The following CDC42BPA variants were observed in gnomAD, a reference collection of about 807,000 sequenced individuals.
The protein encoded by CDC42BPA is serine/threonine-protein kinase MRCK alpha.
Under a neutral mutation model 223.5 loss-of-function variants are expected in CDC42BPA, and 80 were observed. The ratio of observed to expected loss-of-function variants is 0.36; its 90% CI spans 0.30 to 0.43. The LOEUF (loss-of-function observed/expected upper bound fraction) is 0.43. Ranked by LOEUF, CDC42BPA falls within the 20% of genes least tolerant of loss-of-function variation. The pLI, the probability that CDC42BPA is intolerant of heterozygous loss-of-function variation, is 1.00. For missense variants in CDC42BPA, 1,743 were observed against 2,099.9 expected, an observed-to-expected ratio of 0.83 and a Z score of 3.32; for synonymous variants, 694 against 718.6, an observed-to-expected ratio of 0.97 and a Z score of 0.55.
rs1033568662 is a variant in CDC42BPA, at chr1:227,032,544, C to T, written c.3558+790G>A. ...ACAAGTCCTCCTAAGGAATTCCATT[C>T]TTCTCATCAAGAGGTGGAGTCTATT... On this transcript the variant is annotated intron_variant, in intron 27 of 36. Transcript: ENST00000366766. Among the ~76,000 whole-genome samples the T allele has an allele frequency of 1.4e-4, 22 of 151,972 alleles. 1 individual carries two copies. Among genetic ancestry groups the T allele is most frequent in the African/African-American group, 3.6e-4 (15 of 41,264 alleles).
At chr1:227,042,025 G>A (rs981633977) in intron 23 of CDC42BPA, among the ~76,000 whole-genome samples, 9 of 152,048 alleles carry the variant, frequency 5.9e-5, no homozygotes, top group Non-Finnish European at 1.3e-4. Flanking sequence ...GGCTCTTTGA[G>A]AAACTATTAT....
At chr1:227,033,443 T>C in intron 26 of CDC42BPA, 28 bp from the exon 27 acceptor site, 1 of 1,493,286 alleles carries the variant, frequency 6.7e-7, no homozygotes. Flanking sequence ...CATTAAAAGT[T>C]ACTATATGTG....
intron 1 of CDC42BPA, among the ~76,000 whole-genome samples, chr1:227,266,569 T>C (rs1446031677): frequency 6.6e-6 from 1 of 152,224 alleles, no homozygotes; most frequent in Non-Finnish European, 1.5e-5. Context: ...AGTCAAAATA[T>C]AATTCTATCC....
intron 1 of CDC42BPA, among the ~76,000 whole-genome samples, chr1:227,316,622 T>A (rs146374916): frequency 6.6e-6 from 1 of 152,212 alleles, no homozygotes; most frequent in Non-Finnish European, 1.5e-5. Context: ...ATAATTTCCA[T>A]AGTCTGAATG....
chr1:227,085,677 C>T (rs146167766), intron 16 of CDC42BPA, among the ~76,000 whole-genome samples: 1 of 152,328 alleles, frequency 6.6e-6, no homozygotes, highest in East Asian at 1.9e-4. Context: ...CCTCCAACCT[C>T]CTTGTCTTCC....
chr1:226,994,037 G>T lies in CDC42BPA; in HGVS notation c.*231C>A, dbSNP rs1661080020. 8.2e-6 allele frequency: 4 copies of T among 488,952 alleles called. No individual in the cohort carries two copies. In the East Asian group the frequency reaches 1.5e-4, roughly 18 times the overall value. 30.3% of individuals were successfully genotyped at this position (488,952 alleles called of 1,614,324 possible). On this transcript the variant is annotated 3_prime_UTR_variant, in exon 37 of 37. Coordinates refer to ENST00000366766, the MANE Select transcript of CDC42BPA (RefSeq NM_001394014.1). The surrounding 1 kb of genome is among the most constrained non-coding windows in gnomAD (Gnocchi z 4.0). Reference sequence around the variant, plus strand: ...GAAAGCAACTCTAAGTGCATGGAATGAAATCAACGTTAATCTAAGCTGCTA... The same window carrying T: ...GAAAGCAACTCTAAGTGCATGGAATTAAATCAACGTTAATCTAAGCTGCTA...
chr1:227,119,908 C>T lies in CDC42BPA; in HGVS notation c.1543G>A (p.Glu515Lys), dbSNP rs541049501. ...AGTTCTTGCCTCACAGCATTAGCTT[C>T]TTCAAGTTGCTGTTCCAAATGACTT... ...ESSHLEQQLE[E>K]ANAVRQELDD... Residue 515 changes from glutamate (E) to lysine (K), a missense_variant, in exon 12 of 37, where the codon GAA (glutamate) becomes AAA (lysine). Physicochemically the swap from Glu to Lys is moderately conservative, Grantham distance 56 (BLOSUM62 1). Coordinates refer to ENST00000366766, the MANE Select transcript of CDC42BPA (RefSeq NM_001394014.1). 1.5e-5 allele frequency: 24 copies of T among 1,594,506 alleles called. No individual in the cohort carries two copies. In the African/African-American group the frequency reaches 3.1e-4, roughly 21 times the overall value.
intron 2 of CDC42BPA, among the ~76,000 whole-genome samples, chr1:227,223,577 T>G (rs1431849962): frequency 1.3e-5 from 2 of 152,136 alleles, no homozygotes; most frequent in African/African-American, 4.8e-5. Context: ...GAAGAAATAC[T>G]GAGTCAGTGA....
chr1:227,222,224 A>G (rs540671074), intron 2 of CDC42BPA, among the ~76,000 whole-genome samples: 373 of 151,128 alleles, frequency 2.5e-3, no homozygotes, highest in South Asian at 5.5e-3. Context: ...TCTTTAAAAA[A>G]ATAGCTGGGC....
chr1:227,059,459 A>AT lies in CDC42BPA; in HGVS notation c.2905-7475dup. 8 of 1,477,354 alleles carry AT rather than the reference A, an allele frequency of 5.4e-6. No individual in the cohort carries two copies. The Middle Eastern group carries it at 1.2e-3, about 221-fold the overall frequency. 91.5% of individuals were successfully genotyped at this position (1,477,354 alleles called of 1,614,324 possible). Reference sequence around the variant, plus strand: ...GGACATGTTACAAATATTTACACACATAAGACTCTCAAGGACTACTATTGT... The same window carrying AT: ...GGACATGTTACAAATATTTACACACATTAAGACTCTCAAGGACTACTATTGT... On this transcript the variant is annotated intron_variant, in intron 21 of 36. Transcript: ENST00000366766.
chr1:227,111,447 A>AC (rs1280887676), intron 14 of CDC42BPA, among the ~76,000 whole-genome samples: 1 of 152,148 alleles, frequency 6.6e-6, no homozygotes, highest in African/African-American at 2.4e-5. Flanking sequence ...GACATGAAAT[A>AC]GTTTTATAGA....
chr1:227,060,717 CT>C (rs59728048), intron 21 of CDC42BPA, among the ~76,000 whole-genome samples: 1,702 of 95,412 alleles, frequency 0.018, 2 homozygotes, highest in South Asian at 0.023. Context: ...TAAATAGGTA[CT>C]TTTTTTTTTT....
At chr1:227,070,969 C>T (rs531948386) in intron 20 of CDC42BPA, among the ~76,000 whole-genome samples, 58 of 151,818 alleles carry the variant, frequency 3.8e-4, no homozygotes, top group Non-Finnish European at 6.6e-4. Flanking sequence ...CCATGTCTTA[C>T]GAATTCTTTT....
In CDC42BPA at chr1:227,208,735, A is replaced by G. The variant is rs796373544; in HGVS notation, c.354+4401T>C. The stretch of plus-strand genomic sequence containing the variant: ...TCTATATCTCTGTTTTGGTACCAGT[A>G]CCATGCTGTTTTGGTTACTGTAGCC... On this transcript the variant is annotated intron_variant, in intron 3 of 36. Transcript: ENST00000366766. Among the ~76,000 whole-genome samples, 109 of 152,122 alleles carry G rather than the reference A, an allele frequency of 7.2e-4. No individual in the cohort carries two copies. The East Asian group carries it at 0.02, about 27-fold the overall frequency.
At chr1:227,144,066 C>T (rs1162681065) in intron 8 of CDC42BPA, among the ~76,000 whole-genome samples, 1 of 152,072 alleles carries the variant, frequency 6.6e-6, no homozygotes, top group East Asian at 1.9e-4. Context: ...GATGGTTTTA[C>T]AATTATCAGT....
At chr1:227,086,854 G>A (rs996066842) in intron 16 of CDC42BPA, among the ~76,000 whole-genome samples, 4 of 151,866 alleles carry the variant, frequency 2.6e-5, no homozygotes, top group African/African-American at 4.8e-5. Context: ...AAGATTTTGT[G>A]TAGAGATAAG....
In CDC42BPA at chr1:227,031,489, G is replaced by C; in HGVS notation, c.3584C>G (p.Ser1195Cys). 1 of 1,613,958 alleles carries C rather than the reference G, an allele frequency of 6.2e-7. No homozygotes were observed. The highest frequency in any genetic ancestry group is 8.5e-7 in the Non-Finnish European group (1 of 1,179,906). The change falls in exon 28 of 37, where the codon TCT (serine) becomes TGT (cysteine). Residue 1195 changes from serine (S) to cysteine (C), a missense_variant. Ser to Cys is a moderately radical substitution (Grantham distance 112). Transcript: ENST00000366766. Reference sequence around the variant, plus strand: ...CATCAGGATTGAACATTTGTTATTAGATGCTGAGAGCTGGGAAGCTGTGAC... The same window carrying C: ...CATCAGGATTGAACATTTGTTATTACATGCTGAGAGCTGGGAAGCTGTGAC... ...FRVTASQLSA[S>C]NNKCSILMLA... is the part of the protein sequence containing the mutation.
intron 35 of CDC42BPA, among the ~76,000 whole-genome samples, chr1:226,998,861 C>G (rs1379621732): frequency 1.3e-5 from 2 of 152,060 alleles, no homozygotes; most frequent in African/African-American, 4.8e-5. Context: ...AACAGGCAAC[C>G]TACAGAATGG....
Position 226,994,206 on chromosome 1 carries a change from T to G in CDC42BPA, c.*62A>C. ...GAGCAGGCGAGGTGGAGGGAAGAGATGAAAGTGAGAGGAGGCGAGTGGCAG... is the reference window on the plus strand; with the variant it reads ...GAGCAGGCGAGGTGGAGGGAAGAGAGGAAAGTGAGAGGAGGCGAGTGGCAG... On this transcript the variant is annotated 3_prime_UTR_variant, in exon 37 of 37. Transcript: ENST00000366766. The surrounding 1 kb of genome is among the most constrained non-coding windows in gnomAD (Gnocchi z 4.0). 1 of 1,508,174 alleles carries G rather than the reference T, an allele frequency of 6.6e-7. No homozygotes were observed. The highest frequency in any genetic ancestry group is 9.0e-7 in the Non-Finnish European group (1 of 1,114,582). The allele number at this position is 1,508,174 out of a possible 1,614,324, so 93.4% of individuals were successfully genotyped here.
Sources: allele counts gnomAD v4.1 joint callset (sites outside exome capture counted in the v4.1 genomes callset), GRCh38; gene constraint gnomAD v4.1.1; non-coding constraint Gnocchi (gnomAD v3.1); transcripts MANE v1.5; gene names NCBI Gene and HGNC (gene_info 2026-07-23, HGNC 2026-07-21).